BCAS3: variants seen among roughly 807,000 people sequenced by gnomAD.
BCAS3 encodes the protein BCAS4/BCAS3 fusion.
In BCAS3, 53 loss-of-function variants were observed where a neutral mutation model predicts 116.1. That is an observed-to-expected ratio of 0.46 (90% CI 0.37 to 0.57). BCAS3 has a LOEUF of 0.57. Ranked by LOEUF, BCAS3 falls within the 20% of genes least tolerant of loss-of-function variation. BCAS3 has a pLI of 0.00. For missense variants in BCAS3, 917 were observed against 1,165.4 expected, an observed-to-expected ratio of 0.79 and a Z score of 3.10; for synonymous variants, 391 against 408.2, an observed-to-expected ratio of 0.96 and a Z score of 0.51.
At chr17:61,022,700 T>A (rs1028312741) in intron 16 of BCAS3, among the ~76,000 whole-genome samples, 2 of 152,202 alleles carry the variant, frequency 1.3e-5, no homozygotes, top group African/African-American at 4.8e-5. Context: ...AGTGCAGTAG[T>A]GTGATCATAG....
intron 5 of BCAS3, among the ~76,000 whole-genome samples, chr17:60,715,225 T>C (rs4968326): frequency 0.92 from 138,088 of 149,882 alleles, 64,752 homozygotes; most frequent in East Asian, 1. Flanking sequence ...CCTCCACCTC[T>C]GGGGTTCAAG....
intron 10 of BCAS3, among the ~76,000 whole-genome samples, chr17:60,892,329 T>TC (rs919749152): frequency 4.7e-5 from 7 of 149,262 alleles, no homozygotes; most frequent in African/African-American, 1.0e-4. Flanking sequence ...TTTTTTTTTT[T>TC]GAGACAGAGT....
chr17:61,143,038 A>G (rs1249057691), intron 22 of BCAS3, among the ~76,000 whole-genome samples: 1 of 152,154 alleles, frequency 6.6e-6, no homozygotes, highest in Non-Finnish European at 1.5e-5. Flanking sequence ...TTATTAAAAG[A>G]ACTCAATTTT....
intron 7 of BCAS3, among the ~76,000 whole-genome samples, chr17:60,859,605 G>T (rs2053985249): frequency 6.7e-6 from 1 of 148,716 alleles, no homozygotes; most frequent in South Asian, 2.1e-4. Flanking sequence ...TCTCGCTCCT[G>T]TCGCACAGAC....
intron 5 of BCAS3, among the ~76,000 whole-genome samples, chr17:60,740,725 G>A (rs1472841072): frequency 1.3e-5 from 2 of 151,990 alleles, no homozygotes; most frequent in Non-Finnish European, 2.9e-5. Flanking sequence ...AGAGGAGATT[G>A]GATTTGGGTA....
rs769946658 is a variant in BCAS3 at position 61,144,411 on chromosome 17, C to CTA, written c.2425+59854_2425+59855dup. ...ACAATCACACAGATGTTTTCTTATG[C>CTA]TATATATAGGAATTAAGCAAGTGTT... On this transcript the variant is annotated intron_variant, in intron 22 of 23. Coordinates refer to ENST00000407086, the MANE Select transcript of BCAS3 (RefSeq NM_017679.5). This position sits in a 1 kb window ranked among gnomAD's most constrained non-coding sequence, Gnocchi z 5.0. Among the ~76,000 whole-genome samples, 89 of 152,260 alleles carry CTA rather than the reference C, an allele frequency of 5.8e-4. No homozygotes were observed. The highest frequency in any genetic ancestry group is 7.5e-4 in the Non-Finnish European group (51 of 68,004).
chr17:60,865,513 T>G (rs908297898), intron 7 of BCAS3, among the ~76,000 whole-genome samples: 2 of 152,220 alleles, frequency 1.3e-5, no homozygotes, highest in Non-Finnish European at 2.9e-5. Context: ...TTTGTTAGAC[T>G]TACATAGAAT....
intron 22 of BCAS3, among the ~76,000 whole-genome samples, chr17:61,360,177 T>C (rs1406214576): frequency 6.6e-6 from 1 of 152,038 alleles, no homozygotes; most frequent in Non-Finnish European, 1.5e-5. Flanking sequence ...ATAATTTTTA[T>C]ATTTTTTAGT....
In BCAS3 at chr17:61,068,528, C is replaced by G. The variant is rs2143388255; in HGVS notation, c.2030-6392C>G. 6.6e-6 allele frequency among the ~76,000 whole-genome samples: 1 copy of G among 152,330 alleles called. No individual in the cohort carries two copies. Among genetic ancestry groups the G allele is most frequent in the Middle Eastern group, 3.4e-3 (1 of 294 alleles). On this transcript the variant is annotated intron_variant, in intron 19 of 23. Coordinates refer to ENST00000407086, the MANE Select transcript of BCAS3 (RefSeq NM_017679.5). The surrounding 1 kb of genome is among the most constrained non-coding windows in gnomAD (Gnocchi z 4.3). ...ATATTATTCTTGTACATGTATGAAACATTCTTCTCCTCTAAGCTATGGAGA... is the reference window on the plus strand; with the variant it reads ...ATATTATTCTTGTACATGTATGAAAGATTCTTCTCCTCTAAGCTATGGAGA...
At chr17:60,833,918 G>A (rs976838471) in intron 7 of BCAS3, among the ~76,000 whole-genome samples, 1 of 151,978 alleles carries the variant, frequency 6.6e-6, no homozygotes, top group Non-Finnish European at 1.5e-5. Context: ...CTGTCAAAAC[G>A]TGAAACTACT....
intron 5 of BCAS3, among the ~76,000 whole-genome samples, chr17:60,732,911 A>G (rs1302323683): frequency 6.6e-6 from 1 of 152,230 alleles, no homozygotes. Flanking sequence ...ATGGTATTTT[A>G]ACAAATTTCT....
chr17:61,198,289 A>C lies in BCAS3; in HGVS notation c.2425+113725A>C, dbSNP rs368639625. On this transcript the variant is annotated intron_variant, in intron 22 of 23. Transcript: ENST00000407086. The surrounding 1 kb of genome is among the most constrained non-coding windows in gnomAD (Gnocchi z 5.0). Reference sequence around the variant, plus strand: ...CCAAGTAGCTGGGACTACAGGCGCCAGCCACCACACCCAGCTAATTTTTTG... The same window carrying C: ...CCAAGTAGCTGGGACTACAGGCGCCCGCCACCACACCCAGCTAATTTTTTG... Among the ~76,000 whole-genome samples the C allele has an allele frequency of 1.6e-4, 24 of 151,898 alleles. No individual in the cohort carries two copies. The South Asian group carries it at 2.9e-3, about 18-fold the overall frequency.
intron 4 of BCAS3, among the ~76,000 whole-genome samples, chr17:60,702,754 T>A (rs2036581385): frequency 6.6e-6 from 1 of 151,968 alleles, no homozygotes; most frequent in Non-Finnish European, 1.5e-5. Flanking sequence ...AGCGCCTGGC[T>A]AATTTTTGTA....
intron 22 of BCAS3, among the ~76,000 whole-genome samples, chr17:61,123,095 C>A (rs1568402411): frequency 6.6e-6 from 1 of 152,058 alleles, no homozygotes; most frequent in African/African-American, 2.4e-5. Flanking sequence ...GCGCCCACCA[C>A]CATGTCCAAC....
chr17:61,184,440 C>T (rs1390746304), intron 22 of BCAS3, among the ~76,000 whole-genome samples: 1 of 152,082 alleles, frequency 6.6e-6, no homozygotes, highest in Non-Finnish European at 1.5e-5. Flanking sequence ...AATTAAAAGA[C>T]TGACAATACC....
At chr17:61,342,536 A>C (rs1048733068) in intron 22 of BCAS3, among the ~76,000 whole-genome samples, 1 of 152,204 alleles carries the variant, frequency 6.6e-6, no homozygotes, top group African/African-American at 2.4e-5. Context: ...CCCAACGCCG[A>C]GCACATCCTC....
chr17:60,902,897 A>G (rs771437308), intron 11 of BCAS3, among the ~76,000 whole-genome samples, 194 bp downstream of exon 11: 9 of 152,258 alleles, frequency 5.9e-5, no homozygotes, highest in Non-Finnish European at 1.0e-4. Flanking sequence ...TCCATGTTTT[A>G]AACAGTGACT....
chr17:60,831,719 T>A (rs1339338841), intron 7 of BCAS3, among the ~76,000 whole-genome samples: 1 of 151,538 alleles, frequency 6.6e-6, no homozygotes, highest in Non-Finnish European at 1.5e-5. Flanking sequence ...GACAGTATTT[T>A]GAGTGCCTCT....
At chr17:61,383,612 C>T (rs2059706413) in intron 23 of BCAS3, 2 of 152,290 alleles carry the variant, frequency 1.3e-5, no homozygotes, top group South Asian at 4.1e-4. Flanking sequence ...TGGCCCCAGC[C>T]CCATAAGCTC....
Sources: allele counts gnomAD v4.1 joint callset (sites outside exome capture counted in the v4.1 genomes callset), GRCh38; gene constraint gnomAD v4.1.1; non-coding constraint Gnocchi (gnomAD v3.1); transcripts MANE v1.5; gene names NCBI Gene and HGNC (gene_info 2026-07-23, HGNC 2026-07-21).